PRKAR1B: variants seen among roughly 807,000 people sequenced by gnomAD.
PRKAR1B encodes cAMP-dependent protein kinase type I-beta regulatory subunit.
PRKAR1B carries 22 observed loss-of-function variants against 46.5 expected under a neutral mutation model. The observed-to-expected ratio is 0.47, with a 90% CI of 0.34 to 0.68. The LOEUF (loss-of-function observed/expected upper bound fraction) is 0.68. PRKAR1B is among the 30% of genes least tolerant of loss of function. The pLI is 0.01. For missense variants in PRKAR1B, 445 were observed against 535.6 expected (o/e 0.83, Z 1.67); for synonymous variants, 259 against 217.7 (o/e 1.19, Z -1.67).
chr7:629,680 C>T (rs1238706391), intron 4 of PRKAR1B, among the ~76,000 whole-genome samples: 1 of 67,566 alleles, frequency 1.5e-5, no homozygotes, highest in Non-Finnish European at 2.8e-5. Flanking sequence ...CCTCCGAGGG[C>T]GCCACCACCC....
At chr7:645,247 G>A (rs985990683) in intron 4 of PRKAR1B, among the ~76,000 whole-genome samples, 5 of 152,284 alleles carry the variant, frequency 3.3e-5, no homozygotes, top group South Asian at 2.1e-4. Context: ...AGAGAGAGCC[G>A]AAGACGCGGC....
At chr7:571,787 C>A (rs1000582984) in intron 9 of PRKAR1B, among the ~76,000 whole-genome samples, 1 of 152,138 alleles carries the variant, frequency 6.6e-6, no homozygotes, top group African/African-American at 2.4e-5. Context: ...GGTGCCCGGG[C>A]GGGCACCGCC....
At chr7:687,725 C>T (rs1779167178) in intron 2 of PRKAR1B, among the ~76,000 whole-genome samples, 1 of 152,164 alleles carries the variant, frequency 6.6e-6, no homozygotes, top group Admixed American at 6.5e-5. Context: ...CACAAACTCC[C>T]ACACAGGATA....
intron 4 of PRKAR1B, among the ~76,000 whole-genome samples, chr7:638,033 C>T (rs1042907657): frequency 5.3e-5 from 8 of 152,116 alleles, no homozygotes; most frequent in Admixed American, 3.3e-4. Flanking sequence ...CCTGCCCCGC[C>T]GGCGGAGAAG....
At chr7:647,023 A>G (rs1784651227) in intron 4 of PRKAR1B, among the ~76,000 whole-genome samples, 1 of 152,128 alleles carries the variant, frequency 6.6e-6, no homozygotes, top group Admixed American at 6.5e-5. Flanking sequence ...AAAGTGAAAC[A>G]CCAAAGGGGC....
At chr7:676,214 CT>C (rs1325312608) in intron 4 of PRKAR1B, among the ~76,000 whole-genome samples, 1 of 152,180 alleles carries the variant, frequency 6.6e-6, no homozygotes, top group Non-Finnish European at 1.5e-5. Context: ...TGCTTTCAAT[CT>C]TTTCAAAATT....
At chr7:627,443 A>C (rs1394168677) in intron 4 of PRKAR1B, among the ~76,000 whole-genome samples, 1 of 152,190 alleles carries the variant, frequency 6.6e-6, no homozygotes, top group Non-Finnish European at 1.5e-5. Flanking sequence ...ACTGAGGCCG[A>C]GACTAACTCA....
chr7:590,924 C>T (rs1053177714), intron 7 of PRKAR1B, among the ~76,000 whole-genome samples: 66 of 152,264 alleles, frequency 4.3e-4, no homozygotes, highest in African/African-American at 1.5e-3. Flanking sequence ...CCCCCGAGAG[C>T]GGAGAGCGGG....
At chr7:692,428 C>CAG (rs138479588) in intron 2 of PRKAR1B, among the ~76,000 whole-genome samples, 58 of 148,546 alleles carry the variant, frequency 3.9e-4, no homozygotes, top group East Asian at 1.2e-3. Flanking sequence ...GACAGAGAGA[C>CAG]AGAGAGAGAG....
At chr7:554,446 G>A (rs929085109) in intron 9 of PRKAR1B, among the ~76,000 whole-genome samples, 3 of 152,240 alleles carry the variant, frequency 2.0e-5, no homozygotes, top group East Asian at 1.9e-4. Flanking sequence ...GAATCCAGGC[G>A]ATGAACCTGA....
intron 2 of PRKAR1B, among the ~76,000 whole-genome samples, chr7:694,680 G>T (rs1318148242): frequency 6.6e-6 from 1 of 152,114 alleles, no homozygotes; most frequent in Non-Finnish European, 1.5e-5. Flanking sequence ...TTCCCAAGAT[G>T]ATGTCTTGCA....
At chr7:614,335 C>A (rs533713547) in intron 4 of PRKAR1B, among the ~76,000 whole-genome samples, 2 of 152,248 alleles carry the variant, frequency 1.3e-5, no homozygotes, top group African/African-American at 4.8e-5. Context: ...GGTCTTCTGA[C>A]AAAAGGCTGG....
chr7:575,641 G>C (rs1366245254), intron 9 of PRKAR1B, among the ~76,000 whole-genome samples: 1 of 152,124 alleles, frequency 6.6e-6, no homozygotes, highest in Admixed American at 6.5e-5. Flanking sequence ...GAACTCCTGA[G>C]CTCAAGCGAT....
At chr7:584,956 G>A (rs1295276367) in intron 7 of PRKAR1B, among the ~76,000 whole-genome samples, 1 of 152,096 alleles carries the variant, frequency 6.6e-6, no homozygotes, top group Non-Finnish European at 1.5e-5. Flanking sequence ...CCAACACAGA[G>A]ACTCAAGCAC....
intron 1 of PRKAR1B, chr7:726,798 G>T: frequency 7.7e-7 from 1 of 1,302,032 alleles, no homozygotes; most frequent in South Asian, 2.3e-5. Context: ...AGGCGGTGGA[G>T]CTGAGCCGCG....
At chr7:623,768 G>C (rs1783233491) in intron 4 of PRKAR1B, among the ~76,000 whole-genome samples, 1 of 152,242 alleles carries the variant, frequency 6.6e-6, no homozygotes, top group Admixed American at 6.5e-5. Flanking sequence ...CCAGAATGAA[G>C]TCTTCCATGC....
At chr7:715,779 G>A (rs940904616) in intron 1 of PRKAR1B, among the ~76,000 whole-genome samples, 12 of 151,852 alleles carry the variant, frequency 7.9e-5, no homozygotes, top group Admixed American at 2.0e-4. Flanking sequence ...GCAGTGGCGT[G>A]ATCTCTGCTC....
chr7:583,476 C>T (rs1289930585), intron 8 of PRKAR1B, among the ~76,000 whole-genome samples: 1 of 131,140 alleles, frequency 7.6e-6, no homozygotes, highest in East Asian at 2.1e-4. Flanking sequence ...TGCACTCACA[C>T]CCACGCACAC....
intron 9 of PRKAR1B, among the ~76,000 whole-genome samples, chr7:564,885 CA>C (rs1436988846): frequency 6.6e-6 from 1 of 152,164 alleles, no homozygotes; most frequent in African/African-American, 2.4e-5. Context: ...GACGGGAGCC[CA>C]GGGGTATTTT....
Sources: gnomAD v4.1 joint callset for allele counts (sites outside exome capture counted in the v4.1 genomes callset) on GRCh38, gnomAD v4.1.1 for gene constraint, MANE v1.5 for transcripts, NCBI Gene and HGNC (gene_info 2026-07-23, HGNC 2026-07-21) for gene names.